Variants in AK7 observed in about 807,000 individuals in gnomAD.
AK7 encodes the protein adenylate kinase 7.
Under a neutral mutation model 96.6 loss-of-function variants are expected in AK7, and 78 were observed. That is an observed-to-expected ratio of 0.81 (90% confidence interval 0.67 to 0.97). The LOEUF is 0.97. Ranked by LOEUF, AK7 falls within the 50% of genes least tolerant of loss-of-function variation. The pLI, the probability that AK7 is intolerant of heterozygous loss-of-function variation, is 0.00. For synonymous variants in AK7, 302 were observed against 317.2 expected (o/e 0.95, Z 0.51); for missense variants, 855 against 887.9 (o/e 0.96, Z 0.47).
chr14:96,463,553 A>C (rs1196203125), intron 12 of AK7, among the ~76,000 whole-genome samples: 1 of 151,768 alleles, frequency 6.6e-6, no homozygotes, highest in Non-Finnish European at 1.5e-5. Flanking sequence ...CCCCGTCTCT[A>C]CTAAAAATTC....
chr14:96,472,320 C>T (rs988251958), intron 13 of AK7, among the ~76,000 whole-genome samples: 1 of 152,116 alleles, frequency 6.6e-6, no homozygotes, highest in Admixed American at 6.6e-5. Context: ...CATGACCACG[C>T]CCGACTAATT....
chr14:96,475,454 G>C (rs1055767459), intron 14 of AK7, among the ~76,000 whole-genome samples: 3 of 152,164 alleles, frequency 2.0e-5, no homozygotes, highest in Non-Finnish European at 4.4e-5. Context: ...TGAACCGTTC[G>C]GGACTGGCTA....
chr14:96,486,319 C>A (rs971673321), intron 16 of AK7, among the ~76,000 whole-genome samples: 7 of 152,170 alleles, frequency 4.6e-5, no homozygotes, highest in African/African-American at 1.7e-4. Context: ...TGATCTTTAA[C>A]TAGAATTTTT....
In AK7 at chr14:96,488,310, A is replaced by G; in HGVS notation, c.2139A>G (p.Glu713=). The change falls in exon 18 of 18, where the codon GAA becomes GAG. Residue 713 remains glutamate (E), a synonymous_variant. Coordinates refer to ENST00000267584, the MANE Select transcript of AK7 (RefSeq NM_152327.5). ...TGTCTTTTTTTAAATTGTAGGCAGA[A>G]TATCTCTTCAAGAACAATCCTGAAG... ...RPEDPVDFLA[E]YLFKNNPEAQ 1 of 1,611,984 alleles carries G rather than the reference A, an allele frequency of 6.2e-7. No homozygotes were observed. The highest frequency in any genetic ancestry group is 8.5e-7 in the Non-Finnish European group (1 of 1,178,318).
chr14:96,479,927 G>C (rs1895420580), intron 15 of AK7, among the ~76,000 whole-genome samples: 2 of 152,166 alleles, frequency 1.3e-5, no homozygotes, highest in Non-Finnish European at 2.9e-5. Flanking sequence ...AGTGCTAAGG[G>C]ATAATGTCAG....
At chr14:96,397,771 G>A (rs1890163840) in intron 1 of AK7, among the ~76,000 whole-genome samples, 1 of 152,100 alleles carries the variant, frequency 6.6e-6, no homozygotes, top group African/African-American at 2.4e-5. Flanking sequence ...TATTTCTGTT[G>A]GACAACACAA....
chr14:96,471,362 A>T, intron 12 of AK7, 116 bp from the exon 13 acceptor site: 30 of 427,336 alleles, frequency 7.0e-5, no homozygotes, highest in South Asian at 1.3e-4. Flanking sequence ...AAAGCAAAAT[A>T]GGGATTTCCA....
chr14:96,466,024 AAAG>A (rs1894547575), intron 12 of AK7, among the ~76,000 whole-genome samples: 2 of 151,258 alleles, frequency 1.3e-5, no homozygotes, highest in Non-Finnish European at 2.9e-5. Context: ...AAAAAAAAAA[AAAG>A]AAACCAAATG....
intron 14 of AK7, among the ~76,000 whole-genome samples, chr14:96,476,476 GC>G (rs1895187329): frequency 6.7e-6 from 1 of 148,440 alleles, no homozygotes; most frequent in African/African-American, 2.5e-5. Context: ...CCGCACTCCA[GC>G]CTGGGGGACA....
chr14:96,469,432 T>G (rs1186372063), intron 12 of AK7, among the ~76,000 whole-genome samples: 1 of 151,988 alleles, frequency 6.6e-6, no homozygotes, highest in Non-Finnish European at 1.5e-5. Flanking sequence ...GGCTGAGGCA[T>G]GAGAATCTCT....
intron 4 of AK7, among the ~76,000 whole-genome samples, chr14:96,418,736 C>T (rs1891501941): frequency 6.6e-6 from 1 of 152,118 alleles, no homozygotes. Context: ...CCAGGCTGGT[C>T]TTGAACTCCT....
At chr14:96,393,185 G>A (rs1371483769) in intron 1 of AK7, among the ~76,000 whole-genome samples, 1 of 152,144 alleles carries the variant, frequency 6.6e-6, no homozygotes, top group African/African-American at 2.4e-5. Context: ...TCAAAAGAAA[G>A]CCATGATTTT....
At chr14:96,432,752 C>T (rs1256901741) in intron 5 of AK7, among the ~76,000 whole-genome samples, 3 of 150,648 alleles carry the variant, frequency 2.0e-5, no homozygotes, top group African/African-American at 7.4e-5. Flanking sequence ...TGGGAGCCCA[C>T]GGCAGGCAGA....
chr14:96,443,780 A>ATTTTTTTTTT (rs60861399), intron 7 of AK7, among the ~76,000 whole-genome samples: 1 of 137,612 alleles, frequency 7.3e-6, no homozygotes, highest in Non-Finnish European at 1.5e-5. Flanking sequence ...AAAACTCATA[A>ATTTTTTTTTT]TTTTTTTTTT....
intron 12 of AK7, 144 bp from the exon 13 acceptor site, chr14:96,471,333 TA>T (rs35566282): frequency 0.1 from 19,318 of 185,810 alleles, 12 homozygotes; most frequent in East Asian, 0.15. Context: ...CCCGTCTCTT[TA>T]AAAAAAAAAA....
chr14:96,466,191 A>T (rs551494420), intron 12 of AK7, among the ~76,000 whole-genome samples: 2 of 151,612 alleles, frequency 1.3e-5, no homozygotes, highest in Non-Finnish European at 2.9e-5. Flanking sequence ...TCAACCTCCC[A>T]AGTAGCTACC....
chr14:96,419,904 T>G (rs1891578994), intron 4 of AK7, among the ~76,000 whole-genome samples: 1 of 149,286 alleles, frequency 6.7e-6, no homozygotes. Context: ...TTCTCCTGCC[T>G]CAGCCTCCCG....
chr14:96,414,608 G>A (rs557191387), intron 4 of AK7, among the ~76,000 whole-genome samples: 2 of 152,334 alleles, frequency 1.3e-5, no homozygotes, highest in East Asian at 3.9e-4. Flanking sequence ...GAAGGCATCA[G>A]AACAGCAGAG....
Position 96,458,108 on chromosome 14 carries a change from T to C in AK7, c.1253T>C (p.Val418Ala). 1 of 1,613,460 alleles carries C rather than the reference T, an allele frequency of 6.2e-7. No individual in the cohort carries two copies. Among genetic ancestry groups the C allele is most frequent in the African/African-American group, 1.3e-5 (1 of 74,914 alleles). Residue 418 changes from valine to alanine, a missense_variant, in exon 12 of 18, where the codon GTA becomes GCA. Coordinates refer to ENST00000267584, the MANE Select transcript of AK7 (RefSeq NM_152327.5). ...KLEAIVAPNDVGEGEEEVEEE... is the reference protein window; with the variant it reads ...KLEAIVAPNDAGEGEEEVEEE... The stretch of plus-strand genomic sequence containing the variant: ...GAGGCGATTGTTGCCCCTAACGATG[T>C]AGGGGAAGGAGAAGAAGAAGTCGAA...
Sources: allele counts gnomAD v4.1 joint callset (sites outside exome capture counted in the v4.1 genomes callset), GRCh38; gene constraint gnomAD v4.1.1; transcripts MANE v1.5; gene names NCBI Gene and HGNC (gene_info 2026-07-23, HGNC 2026-07-21).